ZBTB7C: variants seen among roughly 807,000 people sequenced by gnomAD.
ZBTB7C encodes the protein zinc finger and BTB domain-containing protein 7C.
Under a neutral mutation model 25.7 loss-of-function variants are expected in ZBTB7C, and 8 were observed. That is an observed-to-expected ratio of 0.31 (90% CI 0.18 to 0.56). The LOEUF is 0.56. ZBTB7C is among the 20% of genes least tolerant of loss of function. ZBTB7C has a pLI of 0.91. For missense variants in ZBTB7C, 824 were observed against 855.2 expected (o/e 0.96, Z 0.46); for synonymous variants, 394 against 369.0 (o/e 1.07, Z -0.78).
chr18:48,383,048 C>T (rs991532949), intron 1 of ZBTB7C, among the ~76,000 whole-genome samples: 9 of 152,276 alleles, frequency 5.9e-5, no homozygotes, highest in Non-Finnish European at 1.2e-4. Flanking sequence ...ACAGGCATGA[C>T]ATTGCGCCTG....
intron 2 of ZBTB7C, among the ~76,000 whole-genome samples, chr18:48,280,473 C>T (rs557847781): frequency 1.3e-5 from 2 of 152,256 alleles, no homozygotes; most frequent in African/African-American, 2.4e-5. Flanking sequence ...CCCCAACATC[C>T]TGGCCTGGCT....
intron 3 of ZBTB7C, among the ~76,000 whole-genome samples, chr18:48,143,142 C>T (rs2040399686): frequency 6.6e-6 from 1 of 152,134 alleles, no homozygotes; most frequent in South Asian, 2.1e-4. Context: ...GTTCCCCACC[C>T]TCAGGGGCCA....
intron 3 of ZBTB7C, chr18:48,150,084 A>G (rs4281790): frequency 0.46 from 69,080 of 151,740 alleles, 16,632 homozygotes; most frequent in Middle Eastern, 0.59. Context: ...GATTACAGGC[A>G]TGAGCCACGG....
chr18:48,222,573 C>G (rs950454179), intron 2 of ZBTB7C, among the ~76,000 whole-genome samples: 3 of 152,180 alleles, frequency 2.0e-5, no homozygotes, highest in African/African-American at 7.2e-5. Flanking sequence ...CTCATGGAAG[C>G]TCGGGACTTG....
intron 3 of ZBTB7C, among the ~76,000 whole-genome samples, chr18:48,085,014 A>G (rs1242567883): frequency 6.6e-6 from 1 of 152,128 alleles, no homozygotes; most frequent in East Asian, 1.9e-4. Flanking sequence ...CCCACATTAA[A>G]ATGCCCAGCC....
At chr18:48,175,646 T>C (rs1259697417) in intron 3 of ZBTB7C, among the ~76,000 whole-genome samples, 1 of 152,126 alleles carries the variant, frequency 6.6e-6, no homozygotes, top group Non-Finnish European at 1.5e-5. Flanking sequence ...CTAATACCAT[T>C]CCTCGCTAAA....
At chr18:48,267,126 A>T (rs2044338937) in intron 2 of ZBTB7C, among the ~76,000 whole-genome samples, 1 of 152,164 alleles carries the variant, frequency 6.6e-6, no homozygotes, top group African/African-American at 2.4e-5. Context: ...GCTGTAGGTC[A>T]AGTTGGATCA....
intron 3 of ZBTB7C, among the ~76,000 whole-genome samples, chr18:48,074,720 AG>A (rs1351330426): frequency 1.3e-5 from 2 of 152,242 alleles, no homozygotes; most frequent in Non-Finnish European, 2.9e-5. Flanking sequence ...GAGAAAAGTA[AG>A]GGCCTCTTCT....
At chr18:48,079,496 G>A (rs1445830843) in intron 3 of ZBTB7C, among the ~76,000 whole-genome samples, 1 of 152,202 alleles carries the variant, frequency 6.6e-6, no homozygotes, top group African/African-American at 2.4e-5. Flanking sequence ...CCTCATTGGA[G>A]GGGACAAACT....
intron 3 of ZBTB7C, among the ~76,000 whole-genome samples, chr18:48,082,334 G>A (rs1598844410): frequency 2.0e-5 from 3 of 152,240 alleles, no homozygotes; most frequent in South Asian, 2.1e-4. Flanking sequence ...CTTCCACAAT[G>A]GTGCCTGGGA....
chr18:48,044,950 C>T (rs1295944853), intron 3 of ZBTB7C, among the ~76,000 whole-genome samples: 1 of 152,250 alleles, frequency 6.6e-6, no homozygotes, highest in African/African-American at 2.4e-5. Context: ...TGAGTGAGGG[C>T]ACAGAGACCT....
At chr18:48,311,553 C>T (rs951447128) in intron 2 of ZBTB7C, among the ~76,000 whole-genome samples, 7 of 152,068 alleles carry the variant, frequency 4.6e-5, no homozygotes, top group Non-Finnish European at 2.9e-5. Flanking sequence ...CAATGTCCTA[C>T]AATGGACAGG....
chr18:48,229,032 G>T (rs112413426), intron 2 of ZBTB7C, among the ~76,000 whole-genome samples: 1 of 152,068 alleles, frequency 6.6e-6, no homozygotes, highest in Non-Finnish European at 1.5e-5. Context: ...GAAGACAGCC[G>T]GGGTCATGGG....
At chr18:48,087,869 A>C (rs2038254349) in intron 3 of ZBTB7C, 1 of 146,178 alleles carries the variant, frequency 6.8e-6, no homozygotes. Context: ...GCATTTTTCC[A>C]TATTTTTCTT....
chr18:48,166,296 T>G (rs762711331), intron 3 of ZBTB7C, among the ~76,000 whole-genome samples: 8 of 152,226 alleles, frequency 5.3e-5, no homozygotes, highest in East Asian at 1.9e-4. Context: ...AGAATTTGCT[T>G]CTTCTATTTA....
intron 2 of ZBTB7C, among the ~76,000 whole-genome samples, chr18:48,311,780 T>G (rs887962960): frequency 2.0e-5 from 3 of 152,212 alleles, no homozygotes; most frequent in Non-Finnish European, 4.4e-5. Flanking sequence ...GTTATTCCAT[T>G]AAAAATTTGC....
intron 2 of ZBTB7C, among the ~76,000 whole-genome samples, chr18:48,283,748 A>C (rs2044943489): frequency 6.6e-6 from 1 of 152,196 alleles, no homozygotes; most frequent in African/African-American, 2.4e-5. Flanking sequence ...TAAGTATAAG[A>C]GTTCTCCTGC....
chr18:48,278,467 G>T (rs368183761), intron 2 of ZBTB7C, among the ~76,000 whole-genome samples: 22 of 149,844 alleles, frequency 1.5e-4, no homozygotes, highest in African/African-American at 5.4e-4. Flanking sequence ...AGACAGTCTT[G>T]CCCTGTCATC....
intron 3 of ZBTB7C, among the ~76,000 whole-genome samples, chr18:48,157,848 C>A: frequency 6.6e-6 from 1 of 152,190 alleles, no homozygotes; most frequent in Non-Finnish European, 1.5e-5. Flanking sequence ...CTCTGCAACT[C>A]CCAAACCAAA....
Sources: allele counts gnomAD v4.1 joint callset (sites outside exome capture counted in the v4.1 genomes callset), GRCh38; gene constraint gnomAD v4.1.1; transcripts MANE v1.5; gene names NCBI Gene and HGNC (gene_info 2026-07-23, HGNC 2026-07-21).